CIT: variants seen among roughly 807,000 people sequenced by gnomAD.
CIT encodes the protein citron rho-interacting serine/threonine kinase, also known as citron Rho-interacting kinase.
Under a neutral mutation model 272.7 loss-of-function variants are expected in CIT, and 79 were observed. The ratio of observed to expected loss-of-function variants is 0.29; its 90% CI spans 0.24 to 0.35. The LOEUF (loss-of-function observed/expected upper bound fraction) is 0.35, where lower values mean the gene tolerates loss of function less well. Among genes scored for constraint, CIT ranks in the 10% least tolerant of loss-of-function variants. The pLI, the probability that CIT is intolerant of heterozygous loss-of-function variation, is 1.00. For missense variants in CIT, 1,909 were observed against 2,618.3 expected (o/e 0.73, Z 5.91); for synonymous variants, 948 against 995.6 (o/e 0.95, Z 0.90).
intron 24 of CIT, among the ~76,000 whole-genome samples, chr12:119,738,282 T>C (rs1306086650): frequency 2.0e-5 from 3 of 152,218 alleles, no homozygotes; most frequent in East Asian, 3.8e-4. Context: ...TAAGATATAT[T>C]GACCATTCAG....
chr12:119,782,450 C>T lies in CIT; in HGVS notation c.1665+68G>A, dbSNP rs200866152. Reference sequence around the variant, plus strand: ...TTTCTTCCTATTTCTCTCTCAAACACGCCTCTCCTGAAATTAGAGGTCCAA... The same window carrying T: ...TTTCTTCCTATTTCTCTCTCAAACATGCCTCTCCTGAAATTAGAGGTCCAA... On this transcript the variant is annotated intron_variant, in intron 13 of 47. Coordinates refer to ENST00000392521, the MANE Select transcript of CIT (RefSeq NM_001206999.2). 8.3e-4 allele frequency: 1,294 copies of T among 1,567,556 alleles called. 11 individuals carry two copies. The highest frequency in any genetic ancestry group is 3.3e-4 in the Non-Finnish European group (375 of 1,148,298).
intron 19 of CIT, among the ~76,000 whole-genome samples, chr12:119,761,314 C>T (rs1271868810): frequency 1.3e-5 from 2 of 152,058 alleles, no homozygotes; most frequent in African/African-American, 4.8e-5. Context: ...ATCAGCAGCC[C>T]AAAGACCAGA....
intron 23 of CIT, among the ~76,000 whole-genome samples, chr12:119,745,802 C>T (rs404447): frequency 0.85 from 128,603 of 152,122 alleles, 54,839 homozygotes; most frequent in African/African-American, 0.93. Flanking sequence ...CTGTGATATA[C>T]CAATAAAAAA....
intron 3 of CIT, among the ~76,000 whole-genome samples, chr12:119,862,816 A>G (rs1950385614): frequency 2.3e-5 from 3 of 128,064 alleles, no homozygotes; most frequent in African/African-American, 1.0e-4. Context: ...CCTAAAAAAA[A>G]AAAAAAAAAA....
At chr12:119,734,141 T>C (rs994236923) in intron 26 of CIT, 23 bp downstream of exon 26, 1 of 1,611,452 alleles carries the variant, frequency 6.2e-7, no homozygotes, top group South Asian at 1.1e-5. Flanking sequence ...TGTCATGAGC[T>C]TTCCACAAAC....
chr12:119,776,587 C>G, intron 14 of CIT, 85 bp downstream of exon 14: 2 of 1,371,584 alleles, frequency 1.5e-6, no homozygotes, highest in Non-Finnish European at 2.0e-6. Flanking sequence ...TAGGTTGTTT[C>G]TCATTAAACT....
At position 119,734,068 on chromosome 12, in the gene CIT, G is replaced by A. The variant is rs545151793; in HGVS notation, c.3350+96C>T. On this transcript the variant is annotated intron_variant, in intron 26 of 47. Transcript: ENST00000392521. ...GGCTTGTGACCCAGGAAACTTCTCA[G>A]TCTCGGCGGGAATAGCTGATCACCC... is the stretch of plus-strand genomic sequence containing the variant. 4.7e-5 allele frequency: 62 copies of A among 1,318,214 alleles called. No homozygotes were observed. In the African/African-American group the frequency reaches 8.0e-4, roughly 17 times the overall value. 81.7% of individuals were successfully genotyped at this position (1,318,214 alleles called of 1,614,324 possible). A position where few individuals can be genotyped will look rare whatever the true frequency, so the allele number is the denominator to read the frequency against.
chr12:119,696,358 C>G (rs1426913553), intron 46 of CIT, among the ~76,000 whole-genome samples: 2 of 152,194 alleles, frequency 1.3e-5, no homozygotes, highest in Non-Finnish European at 2.9e-5. Context: ...TACCCATGTG[C>G]TCCTGACTCT....
At position 119,803,361 on chromosome 12, in the gene CIT, C is replaced by A; in HGVS notation, c.1140G>T (p.Lys380Asn). Residue 380 changes from lysine (K) to asparagine (N), a missense_variant, in exon 10 of 48, where the codon AAG (lysine) becomes AAT (asparagine). By Grantham distance (94) the Lys-to-Asn change is moderately conservative. This residue lies in a region of CIT where 529 missense variants were observed against 549.6 expected (regional missense o/e 0.96). Transcript: ENST00000392521. The part of the protein sequence containing the change: ...NSPPPFVPTL[K>N]SDDDTSNFDE... Reference sequence around the variant, plus strand: ...CAAAATTGGAGGTGTCATCGTCAGACTTGAGGGTGGGAACGAAGGGGGGAG... The same window carrying A: ...CAAAATTGGAGGTGTCATCGTCAGAATTGAGGGTGGGAACGAAGGGGGGAG... The A allele has an allele frequency of 6.3e-7, 1 of 1,587,352 alleles. No homozygotes were observed. Among genetic ancestry groups the A allele is most frequent in the Non-Finnish European group, 8.5e-7 (1 of 1,170,056 alleles).
At position 119,734,289 on chromosome 12, in the gene CIT, G is replaced by A. The variant is rs758602415; in HGVS notation, c.3225C>T (p.Asn1075=). 1.4e-5 allele frequency: 22 copies of A among 1,613,778 alleles called. No homozygotes were observed. The highest frequency in any genetic ancestry group is 8.9e-5 in the East Asian group (4 of 44,864). The part of the protein sequence containing the change: ...EEQVMDLEAL[N]DELLEKERQW... ...GCCGCTCTTTTTCTAGCAGCTCATC[G>A]TTTAGGGCCTCCAAATCCATGACCT... The change falls in exon 26 of 48, where the codon AAC becomes AAT. Residue 1075 remains asparagine (N), a synonymous_variant. Transcript: ENST00000392521.
intron 13 of CIT, 112 bp downstream of exon 13, chr12:119,782,406 C>T (rs368824656): frequency 7.9e-7 from 1 of 1,264,242 alleles, no homozygotes; most frequent in Non-Finnish European, 1.1e-6. Context: ...ACTCTGCCCC[C>T]ACCCTTTCTC....
At chr12:119,776,561 C>A in intron 14 of CIT, 111 bp downstream of exon 14, 1 of 1,167,858 alleles carries the variant, frequency 8.6e-7, no homozygotes, top group South Asian at 1.4e-5. Context: ...CCAAGGTATC[C>A]TACTATTTCT....
In CIT at chr12:119,714,351, T is replaced by TA. The variant is rs1455674665; in HGVS notation, c.4169-18dup. On this transcript the variant is annotated splice_polypyrimidine_tract_variant and intron_variant, in intron 32 of 47. Coordinates refer to ENST00000392521, the MANE Select transcript of CIT (RefSeq NM_001206999.2). The stretch of plus-strand genomic sequence containing the variant: ...GACTAAATTCTGGAGGAAAATGTTT[T>TA]AAAAAATCATTAGAGTACTGCAAAT... 3.7e-6 allele frequency: 6 copies of TA among 1,613,074 alleles called. No homozygotes were observed. The East Asian group carries it at 1.3e-4, about 36-fold the overall frequency.
rs372888573 is a variant in CIT at position 119,782,599 on chromosome 12, C to T, written c.1584G>A (p.Val528=). 4.3e-6 allele frequency: 7 copies of T among 1,614,070 alleles called. No homozygotes were observed. The highest frequency in any genetic ancestry group is 1.7e-5 in the Admixed American group (1 of 60,004). ...GCAGTGCTTTGTCATCCTCCTGGGA[C>T]ACCTCCATCCGTGCTTGCTCCAAAC... ...KRSLEQARME[V]SQEDDKALQL... Residue 528 remains valine, a synonymous_variant, in exon 13 of 48, where the codon GTG becomes GTA. Coordinates refer to ENST00000392521, the MANE Select transcript of CIT (RefSeq NM_001206999.2).
At chr12:119,754,541 C>T (rs1003071116) in intron 22 of CIT, among the ~76,000 whole-genome samples, 3 of 152,166 alleles carry the variant, frequency 2.0e-5, no homozygotes, top group Non-Finnish European at 4.4e-5. Context: ...AGGAAGAACC[C>T]GGGAGCCTGC....
At chr12:119,726,385 A>ATTT (rs3999547) in intron 28 of CIT, among the ~76,000 whole-genome samples, 4,754 of 101,434 alleles carry the variant, frequency 0.047, 847 homozygotes, top group South Asian at 0.11. Flanking sequence ...CACTTGGCTA[A>ATTT]TTTTTTTTTT....
intron 39 of CIT, 101 bp from the exon 40 acceptor site, chr12:119,708,419 C>A (rs1956986625): frequency 8.4e-7 from 1 of 1,187,512 alleles, no homozygotes; most frequent in Non-Finnish European, 1.1e-6. Context: ...TCACAAGAGG[C>A]CACACAGATG....
At chr12:119,733,013 C>T (rs543970117) in intron 26 of CIT, among the ~76,000 whole-genome samples, 16 of 152,192 alleles carry the variant, frequency 1.1e-4, no homozygotes, top group Non-Finnish European at 1.8e-4. Flanking sequence ...AAAGAAAACA[C>T]TTTTCTGCCA....
intron 23 of CIT, among the ~76,000 whole-genome samples, chr12:119,751,809 T>A (rs1593595417): frequency 1.3e-5 from 2 of 152,164 alleles, no homozygotes; most frequent in East Asian, 3.9e-4. Flanking sequence ...GGAAAATATA[T>A]AAGTAAAGGA....
Sources: gnomAD v4.1 joint callset for allele counts (sites outside exome capture counted in the v4.1 genomes callset) on GRCh38, gnomAD v4.1.1 for gene constraint, gnomAD v4.1.1 regional missense constraint, MANE v1.5 for transcripts, NCBI Gene and HGNC (gene_info 2026-07-23, HGNC 2026-07-21) for gene names.